The following GPSM2 variants were observed in gnomAD, a reference collection of about 807,000 sequenced individuals.
The protein encoded by GPSM2 is G protein signaling modulator 2.
GPSM2 carries 58 observed loss-of-function variants against 78.4 expected under a neutral mutation model. The observed-to-expected ratio is 0.74, with a 90% CI of 0.60 to 0.92. GPSM2 has a LOEUF of 0.92. Ranked by LOEUF, GPSM2 falls within the 40% of genes least tolerant of loss-of-function variation. GPSM2 has a pLI of 0.00. For synonymous variants in GPSM2, 224 were observed against 280.2 expected (o/e 0.80, Z 2.00); for missense variants, 700 against 815.5 (o/e 0.86, Z 1.73).
Position 108,931,469 on chromosome 1 carries a change from C to T in GPSM2, c.*1529C>T. 1.9e-6 allele frequency: 3 copies of T among 1,550,770 alleles called. No homozygotes were observed. Among genetic ancestry groups the T allele is most frequent in the Non-Finnish European group, 2.6e-6 (3 of 1,147,038 alleles). On this transcript the variant is annotated 3_prime_UTR_variant, in exon 15 of 15. Coordinates refer to ENST00000264126, the MANE Select transcript of GPSM2 (RefSeq NM_013296.5). The stretch of plus-strand genomic sequence containing the variant: ...TTGCCAACTTGTTTCACTCTGCTTG[C>T]TTCAGACTGTGCACAGCTGGGATGG...
intron 7 of GPSM2, among the ~76,000 whole-genome samples, chr1:108,900,342 C>T (rs1044275310): frequency 7.3e-5 from 11 of 151,302 alleles, no homozygotes; most frequent in African/African-American, 2.4e-4. Context: ...CCGGTTCAAG[C>T]GATTCTCCTG....
chr1:108,905,461 T>C (rs988649650), intron 10 of GPSM2, among the ~76,000 whole-genome samples: 4 of 152,226 alleles, frequency 2.6e-5, no homozygotes, highest in South Asian at 2.1e-4. Flanking sequence ...AGTTTTCACA[T>C]GTCAGCTTAC....
chr1:108,915,262 T>C (rs934759627), intron 11 of GPSM2, among the ~76,000 whole-genome samples: 13 of 147,840 alleles, frequency 8.8e-5, no homozygotes, highest in Non-Finnish European at 1.5e-4. Context: ...TCCCAGCTAC[T>C]CGGGAGGCTG....
intron 2 of GPSM2, among the ~76,000 whole-genome samples, chr1:108,887,483 C>T (rs1169610254): frequency 6.6e-6 from 1 of 152,196 alleles, no homozygotes; most frequent in Non-Finnish European, 1.5e-5. Flanking sequence ...TTGCCCACCT[C>T]ATTGCCCTCC....
Position 108,885,436 on chromosome 1 carries a change from A to G in GPSM2, c.-87A>G, listed in dbSNP as rs1340777207. The G allele has an allele frequency of 3.5e-5, 27 of 777,422 alleles. No individual in the cohort carries two copies. Among genetic ancestry groups the G allele is most frequent in the Non-Finnish European group, 4.7e-5 (21 of 443,514 alleles). 48.2% of individuals were successfully genotyped at this position (777,422 alleles called of 1,614,324 possible). A position where few individuals can be genotyped will look rare whatever the true frequency, so the allele number is the denominator to read the frequency against. ...AACTCATTAATATACTAACCGGACA[A>G]TGTTCTACAAACAATTCTACATTGT... is the stretch of plus-strand genomic sequence containing the variant. On this transcript the variant is annotated 5_prime_UTR_variant, in exon 2 of 15. The change abolishes an upstream ATG in the 5' untranslated region. Transcript: ENST00000264126.
chr1:108,905,413 A>G (rs1025258083), intron 10 of GPSM2, among the ~76,000 whole-genome samples: 2 of 152,102 alleles, frequency 1.3e-5, no homozygotes, highest in African/African-American at 4.8e-5. Context: ...TGCCCTCACC[A>G]TGTCTCTGAG....
In GPSM2 at chr1:108,898,876, C is replaced by A. The variant is rs764431137; in HGVS notation, c.682-3C>A. The A allele has an allele frequency of 1.2e-6, 2 of 1,607,090 alleles. No homozygotes were observed. The highest frequency in any genetic ancestry group is 1.7e-5 in the Admixed American group (1 of 60,008). On this transcript the variant is annotated splice_region_variant and splice_polypyrimidine_tract_variant and intron_variant, in intron 6 of 14. Transcript: ENST00000264126. Reference sequence around the variant, plus strand: ...TACATCTAATTAAAATTGTTTGTTTCAGCGTCTCCTTATTGCAAAAGAATT... The same window carrying A: ...TACATCTAATTAAAATTGTTTGTTTAAGCGTCTCCTTATTGCAAAAGAATT...
At chr1:108,924,281 T>A in intron 14 of GPSM2, 67 bp downstream of exon 14, 1 of 974,614 alleles carries the variant, frequency 1.0e-6, no homozygotes, top group African/African-American at 1.6e-5. Flanking sequence ...GGTAGTGTTA[T>A]AATTCTCATT....
At chr1:108,903,314 G>A in intron 9 of GPSM2, 80 bp downstream of exon 9, 1 of 755,852 alleles carries the variant, frequency 1.3e-6, no homozygotes, top group Non-Finnish European at 2.4e-6. Context: ...TATTTCTCTA[G>A]ATTGATCATG....
rs140164129 is a variant in GPSM2, at chr1:108,900,481, C to T, written c.798-1309C>T. ...CTGGGACTCCTGACCTCAAGTGATC[C>T]GCCCACCTCAGCCTCCCAAAGTGCT... On this transcript the variant is annotated intron_variant, in intron 7 of 14. Transcript: ENST00000264126. Among the ~76,000 whole-genome samples the T allele has an allele frequency of 7.8e-3, 1,188 of 152,132 alleles. 8 individuals carry two copies. Among genetic ancestry groups the T allele is most frequent in the African/African-American group, 0.027 (1,126 of 41,512 alleles).
At chr1:108,912,791 A>T (rs1649859973) in intron 10 of GPSM2, among the ~76,000 whole-genome samples, 1 of 151,100 alleles carries the variant, frequency 6.6e-6, no homozygotes, top group African/African-American at 2.4e-5. Flanking sequence ...CACACAAGTA[A>T]TCCCAACACT....
At chr1:108,924,791 G>A (rs1651001909) in intron 14 of GPSM2, among the ~76,000 whole-genome samples, 1 of 152,016 alleles carries the variant, frequency 6.6e-6, no homozygotes, top group South Asian at 2.1e-4. Context: ...AAATGAGGAT[G>A]GAGAAGTAAT....
chr1:108,916,574 A>AT (rs949868967), intron 11 of GPSM2, among the ~76,000 whole-genome samples: 35 of 152,328 alleles, frequency 2.3e-4, no homozygotes, highest in Admixed American at 5.9e-4. Context: ...TAAAAAGGCC[A>AT]TTTTTGTCTA....
chr1:108,911,015 A>G (rs528726684), intron 10 of GPSM2, among the ~76,000 whole-genome samples: 1 of 152,344 alleles, frequency 6.6e-6, no homozygotes, highest in South Asian at 2.1e-4. Flanking sequence ...CATTAGAACT[A>G]TTAAATGAAA....
chr1:108,878,197 T>C (rs960338608), intron 1 of GPSM2, among the ~76,000 whole-genome samples: 1 of 152,200 alleles, frequency 6.6e-6, no homozygotes, highest in Non-Finnish European at 1.5e-5. Context: ...TAGTTGATTG[T>C]TTAGAAGTGA....
chr1:108,899,267 G>T (rs957188144), intron 7 of GPSM2, among the ~76,000 whole-genome samples: 24 of 152,064 alleles, frequency 1.6e-4, no homozygotes, highest in Non-Finnish European at 2.9e-4. Context: ...TATAATATTG[G>T]TTTTTATCTT....
intron 10 of GPSM2, among the ~76,000 whole-genome samples, chr1:108,913,060 T>G (rs986677523): frequency 3.2e-4 from 48 of 152,278 alleles, no homozygotes; most frequent in African/African-American, 1.1e-3. Flanking sequence ...ATTCAAATGA[T>G]GCAGGGTAAT....
intron 2 of GPSM2, among the ~76,000 whole-genome samples, chr1:108,887,832 C>T (rs892834560): frequency 5.3e-5 from 8 of 152,042 alleles, no homozygotes; most frequent in African/African-American, 1.7e-4. Context: ...TAAATAAAGT[C>T]GGAATAGGTG....
intron 11 of GPSM2, among the ~76,000 whole-genome samples, chr1:108,917,198 G>A (rs2101519060): frequency 6.6e-6 from 1 of 152,188 alleles, no homozygotes; most frequent in South Asian, 2.1e-4. Context: ...ATCCACTGTA[G>A]TAAATAATTT....
Sources: gnomAD v4.1 joint callset for allele counts (sites outside exome capture counted in the v4.1 genomes callset) on GRCh38, gnomAD v4.1.1 for gene constraint, MANE v1.5 for transcripts, NCBI Gene and HGNC (gene_info 2026-07-23, HGNC 2026-07-21) for gene names.